CALCR: variants seen among roughly 807,000 people sequenced by gnomAD.
The protein encoded by CALCR is calcitonin receptor.
Under a neutral mutation model 59.5 loss-of-function variants are expected in CALCR, and 47 were observed. The observed-to-expected ratio is 0.79, with a 90% CI of 0.63 to 1.01. CALCR has a LOEUF of 1.01. Among genes scored for constraint, CALCR ranks in the 50% least tolerant of loss-of-function variants. The pLI, the probability that CALCR is intolerant of heterozygous loss-of-function variation, is 0.00. For missense variants in CALCR, 566 were observed against 597.1 expected, an observed-to-expected ratio of 0.95 and a Z score of 0.54; for synonymous variants, 213 against 211.3, an observed-to-expected ratio of 1.01 and a Z score of -0.07.
chr7:93,548,603 T>C (rs1009940529), intron 2 of CALCR, among the ~76,000 whole-genome samples: 1 of 151,932 alleles, frequency 6.6e-6, no homozygotes, highest in Non-Finnish European at 1.5e-5. Context: ...AGGGTGATAG[T>C]TGTGTACTTC....
intron 2 of CALCR, among the ~76,000 whole-genome samples, chr7:93,567,429 A>C (rs1789888569): frequency 6.6e-6 from 1 of 152,248 alleles, no homozygotes; most frequent in South Asian, 2.1e-4. Context: ...TAGAGAAATA[A>C]GAAAATAATA....
Position 93,462,176 on chromosome 7 carries a change from C to T in CALCR, c.522-1229G>A, listed in dbSNP as rs3802051. The T allele has an allele frequency of 0.45, 368,709 of 821,486 alleles. 84,596 individuals carry two copies. Among genetic ancestry groups the T allele is most frequent in the Middle Eastern group, 0.55 (2,042 of 3,722 alleles). The allele number at this position is 821,486 out of a possible 1,614,324, so 50.9% of individuals were successfully genotyped here. A position where few individuals can be genotyped will look rare whatever the true frequency, so the allele number is the denominator to read the frequency against. ...GAGCATATTTTAACTATTATAGTTA[C>T]AGTTTTCAACTTTTCGGGAAGCGAT... On this transcript the variant is annotated intron_variant, in intron 7 of 13. Transcript: ENST00000426151.
At position 93,484,767 on chromosome 7, in the gene CALCR, A is replaced by G. The variant is rs183680501; in HGVS notation, c.51+2164T>C. On this transcript the variant is annotated intron_variant, in intron 3 of 13. Coordinates refer to ENST00000426151, the MANE Select transcript of CALCR (RefSeq NM_001742.4). ...AATAACACCTGCTCTGAAGAACCTA[A>G]TTTTTATGTCTTTGTTATTACCATT... Among the ~76,000 whole-genome samples the G allele has an allele frequency of 1.4e-3, 208 of 151,814 alleles. 1 individual carries two copies. The highest frequency in any genetic ancestry group is 2.0e-3 in the Non-Finnish European group (133 of 67,786).
chr7:93,479,627 G>T, intron 3 of CALCR, 120 bp from the exon 4 acceptor site: 2 of 839,076 alleles, frequency 2.4e-6, no homozygotes, highest in South Asian at 3.8e-5. Flanking sequence ...ACTTATTCAT[G>T]GTCTCTATGT....
intron 2 of CALCR, among the ~76,000 whole-genome samples, chr7:93,528,243 A>G (rs1230934781): frequency 6.6e-6 from 1 of 152,206 alleles, no homozygotes; most frequent in Non-Finnish European, 1.5e-5. Flanking sequence ...TTCAAAGTAC[A>G]TGCTCAATAA....
intron 2 of CALCR, among the ~76,000 whole-genome samples, chr7:93,542,598 A>G (rs1217499309): frequency 6.6e-6 from 1 of 152,144 alleles, no homozygotes; most frequent in Non-Finnish European, 1.5e-5. Flanking sequence ...TATTTAGCTT[A>G]CTGTAACTTT....
intron 2 of CALCR, among the ~76,000 whole-genome samples, chr7:93,542,685 A>G (rs1298672870): frequency 7.0e-6 from 1 of 143,182 alleles, no homozygotes; most frequent in African/African-American, 2.5e-5. Context: ...CAAATTGTAC[A>G]TTTGTACAAA....
At chr7:93,466,853 C>A (rs2115833159) in intron 7 of CALCR, among the ~76,000 whole-genome samples, 1 of 151,736 alleles carries the variant, frequency 6.6e-6, no homozygotes, top group Admixed American at 6.6e-5. Context: ...CACCCATCTT[C>A]AGTAGCTTAA....
chr7:93,568,778 T>C (rs1405191330), intron 2 of CALCR, among the ~76,000 whole-genome samples: 3 of 152,136 alleles, frequency 2.0e-5, no homozygotes, highest in African/African-American at 7.2e-5. Flanking sequence ...AGATTCACTA[T>C]GTCTCTTAAA....
At position 93,533,787 on chromosome 7, in the gene CALCR, T is replaced by C. The variant is rs541096575; in HGVS notation, c.-27+40502A>G. ...TGTCAATGTTTTAGAAGCTTTTTTTTCTCCTTTCCCAGTAAATTAAAAAAG... is the reference window on the plus strand; with the variant it reads ...TGTCAATGTTTTAGAAGCTTTTTTTCCTCCTTTCCCAGTAAATTAAAAAAG... On this transcript the variant is annotated intron_variant, in intron 2 of 13. Coordinates refer to ENST00000426151, the MANE Select transcript of CALCR (RefSeq NM_001742.4). Among the ~76,000 whole-genome samples, 13 of 151,912 alleles carry C rather than the reference T, an allele frequency of 8.6e-5. No homozygotes were observed. In the South Asian group the frequency reaches 2.5e-3, roughly 29 times the overall value.
At chr7:93,574,177 T>G (rs933226969) in intron 2 of CALCR, 112 bp downstream of exon 2, 1 of 152,220 alleles carries the variant, frequency 6.6e-6, no homozygotes, top group African/African-American at 2.4e-5. Flanking sequence ...AGCACCGCAA[T>G]CAAACCACAT....
intron 2 of CALCR, among the ~76,000 whole-genome samples, chr7:93,498,551 C>T (rs1389694796): frequency 1.3e-5 from 2 of 151,526 alleles, no homozygotes; most frequent in African/African-American, 4.8e-5. Flanking sequence ...TGATTCAAAT[C>T]AATTTAATTA....
chr7:93,557,498 A>G (rs1375983131), intron 2 of CALCR, among the ~76,000 whole-genome samples: 1 of 134,662 alleles, frequency 7.4e-6, no homozygotes, highest in Non-Finnish European at 1.7e-5. Context: ...ATACATCGTG[A>G]ATACTTTTTC....
At chr7:93,522,810 G>GA (rs1344687569) in intron 2 of CALCR, among the ~76,000 whole-genome samples, 3 of 151,810 alleles carry the variant, frequency 2.0e-5, no homozygotes, top group Admixed American at 6.6e-5. Flanking sequence ...ATATAATTAA[G>GA]AAAAAAGACC....
chr7:93,509,093 A>G (rs1171302491), intron 2 of CALCR, among the ~76,000 whole-genome samples: 1 of 152,170 alleles, frequency 6.6e-6, no homozygotes, highest in Non-Finnish European at 1.5e-5. Context: ...TGAGTAGAGC[A>G]AGACACTGTG....
At chr7:93,528,003 G>A (rs1246355790) in intron 2 of CALCR, among the ~76,000 whole-genome samples, 1 of 152,106 alleles carries the variant, frequency 6.6e-6, no homozygotes, top group Non-Finnish European at 1.5e-5. Context: ...TTTATCTGAG[G>A]TTTCAGAATA....
chr7:93,526,887 G>A (rs929390083), intron 2 of CALCR, among the ~76,000 whole-genome samples: 27 of 151,968 alleles, frequency 1.8e-4, no homozygotes, highest in Admixed American at 1.8e-3. Context: ...TAAAATTCTA[G>A]CTTTGGGTCA....
chr7:93,573,114 C>T (rs563645976), intron 2 of CALCR, among the ~76,000 whole-genome samples: 1 of 152,118 alleles, frequency 6.6e-6, no homozygotes, highest in Non-Finnish European at 1.5e-5. Flanking sequence ...TGGTGTATAA[C>T]CAGCAATCTC....
intron 3 of CALCR, among the ~76,000 whole-genome samples, chr7:93,486,081 T>C (rs551771387): frequency 1.2e-4 from 18 of 151,604 alleles, no homozygotes; most frequent in Non-Finnish European, 2.4e-4. Context: ...ATGCAAGCTT[T>C]GTGTGGGTCA....
Sources: allele counts gnomAD v4.1 joint callset (sites outside exome capture counted in the v4.1 genomes callset), GRCh38; gene constraint gnomAD v4.1.1; transcripts MANE v1.5; gene names NCBI Gene and HGNC (gene_info 2026-07-23, HGNC 2026-07-21).